Variants in RBFOX1 observed in about 807,000 individuals in gnomAD.
RBFOX1 encodes the protein RNA binding fox-1 homolog 1, also known as RNA binding protein fox-1 homolog 1.
RBFOX1 carries 8 observed loss-of-function variants against 57.7 expected under a neutral mutation model. That is an observed-to-expected ratio of 0.14 (90% CI 0.08 to 0.25). RBFOX1 has a LOEUF of 0.25. RBFOX1 is among the 10% of genes least tolerant of loss of function. The pLI, the probability that RBFOX1 is intolerant of heterozygous loss-of-function variation, is 1.00. For synonymous variants in RBFOX1, 326 were observed against 222.4 expected, an observed-to-expected ratio of 1.47 and a Z score of -4.15; for missense variants, 611 against 548.5, an observed-to-expected ratio of 1.11 and a Z score of -1.14.
At chr16:6,100,853 T>C (rs779059527) in intron 1 of RBFOX1, among the ~76,000 whole-genome samples, 10 of 152,164 alleles carry the variant, frequency 6.6e-5, no homozygotes, top group Admixed American at 1.3e-4. Context: ...CACCCTCTTA[T>C]AGGAATGTTC....
intron 2 of RBFOX1, among the ~76,000 whole-genome samples, chr16:6,601,974 T>C (rs1567838047): frequency 6.6e-6 from 1 of 151,944 alleles, no homozygotes; most frequent in African/African-American, 2.4e-5. Flanking sequence ...TAAACAACTC[T>C]TCTCTCTTGT....
chr16:7,067,761 T>C (rs9923387), intron 4 of RBFOX1, among the ~76,000 whole-genome samples: 96,417 of 145,546 alleles, frequency 0.66, 32,470 homozygotes, highest in South Asian at 0.75. Flanking sequence ...GTTCAATTCC[T>C]ACCTATGAGT....
chr16:6,524,579 T>A (rs1002408221), intron 2 of RBFOX1, among the ~76,000 whole-genome samples: 5 of 152,164 alleles, frequency 3.3e-5, no homozygotes, highest in African/African-American at 1.2e-4. Context: ...GTTTGTTTTG[T>A]GTTAAAAGGG....
At chr16:5,975,924 A>G (rs2060052753) in intron 4 of RBFOX1, among the ~76,000 whole-genome samples, 1 of 152,162 alleles carries the variant, frequency 6.6e-6, no homozygotes, top group Admixed American at 6.5e-5. Context: ...CAGGTGGATC[A>G]CTTGAGGTCA....
intron 4 of RBFOX1, among the ~76,000 whole-genome samples, chr16:7,315,886 C>G (rs1050017987): frequency 6.6e-6 from 1 of 152,108 alleles, no homozygotes; most frequent in African/African-American, 2.4e-5. Context: ...ACTTGGTTTA[C>G]ATATATCTTT....
At chr16:6,098,881 AT>A (rs1360492991) in intron 1 of RBFOX1, among the ~76,000 whole-genome samples, 1 of 152,160 alleles carries the variant, frequency 6.6e-6, no homozygotes, top group Admixed American at 6.6e-5. Flanking sequence ...CTGGTAAATA[AT>A]TGGGAGGGAT....
At chr16:6,278,374 C>T (rs1306457426) in intron 1 of RBFOX1, among the ~76,000 whole-genome samples, 5 of 49,910 alleles carry the variant, frequency 1.0e-4, no homozygotes, top group African/African-American at 4.5e-4. Flanking sequence ...TTGTAGGACT[C>T]ACCAAAAAAA....
At chr16:6,250,929 T>C (rs896350044) in intron 1 of RBFOX1, among the ~76,000 whole-genome samples, 1 of 151,988 alleles carries the variant, frequency 6.6e-6, no homozygotes, top group Non-Finnish European at 1.5e-5. Flanking sequence ...GTGTAGATAA[T>C]TGAAAGATAC....
chr16:6,660,715 A>G lies in RBFOX1; in HGVS notation c.-16+6065A>G, dbSNP rs752622741. 6.6e-5 allele frequency among the ~76,000 whole-genome samples: 10 copies of G among 152,336 alleles called. No homozygotes were observed. The East Asian group carries it at 7.7e-4, about 12-fold the overall frequency. On this transcript the variant is annotated intron_variant, in intron 3 of 15. Transcript: ENST00000550418. ...TTCATAATACTGCAAATCATTTTAT[A>G]TAATACCTGGCACAAAATAAGAACT...
intron 2 of RBFOX1, among the ~76,000 whole-genome samples, chr16:5,586,892 CT>C (rs2046848738): frequency 6.6e-6 from 1 of 152,314 alleles, no homozygotes; most frequent in Admixed American, 6.5e-5. Context: ...TGCTGACACT[CT>C]TAGCTGCTCT....
At chr16:5,243,042 C>T (rs1441920018) in intron 1 of RBFOX1, among the ~76,000 whole-genome samples, 1 of 151,582 alleles carries the variant, frequency 6.6e-6, no homozygotes, top group Admixed American at 6.6e-5. Flanking sequence ...TCAGAAGTTT[C>T]ACTGGCTTCT....
At chr16:6,749,486 C>G (rs7199682) in intron 3 of RBFOX1, among the ~76,000 whole-genome samples, 1 of 152,124 alleles carries the variant, frequency 6.6e-6, no homozygotes, top group African/African-American at 2.4e-5. Context: ...ATGTTTTCCC[C>G]ACTTTCCAGA....
At chr16:6,388,646 G>C (rs1316785665) in intron 2 of RBFOX1, among the ~76,000 whole-genome samples, 1 of 152,116 alleles carries the variant, frequency 6.6e-6, no homozygotes, top group Non-Finnish European at 1.5e-5. Flanking sequence ...AGGCTGAGGT[G>C]GGAGAATTGC....
chr16:7,150,502 A>G (rs570966020), intron 4 of RBFOX1, among the ~76,000 whole-genome samples: 5 of 152,298 alleles, frequency 3.3e-5, no homozygotes, highest in Admixed American at 2.6e-4. Flanking sequence ...TAACAATTCC[A>G]TAAATGATGA....
At chr16:7,540,607 G>C (rs974030602) in intron 5 of RBFOX1, among the ~76,000 whole-genome samples, 1 of 152,184 alleles carries the variant, frequency 6.6e-6, no homozygotes, top group South Asian at 2.1e-4. Flanking sequence ...TGTCTCTATG[G>C]TTGTTGTCAT....
At chr16:6,390,565 G>A (rs549928368) in intron 2 of RBFOX1, among the ~76,000 whole-genome samples, 6 of 150,582 alleles carry the variant, frequency 4.0e-5, no homozygotes, top group Non-Finnish European at 1.5e-5. Flanking sequence ...AAAAAAAAAA[G>A]CATGGAAGAA....
intron 3 of RBFOX1, among the ~76,000 whole-genome samples, chr16:6,768,533 A>G (rs1272652361): frequency 6.6e-6 from 1 of 151,954 alleles, no homozygotes; most frequent in Non-Finnish European, 1.5e-5. Context: ...TTTTCTATAC[A>G]TTGACAAAAA....
intron 4 of RBFOX1, among the ~76,000 whole-genome samples, chr16:7,144,950 C>G (rs1325809770): frequency 6.6e-6 from 1 of 152,112 alleles, no homozygotes; most frequent in African/African-American, 2.4e-5. Flanking sequence ...CAGCCCCTCT[C>G]CCCCTCCCCC....
At chr16:7,699,592 C>G (rs565789543) in intron 14 of RBFOX1, among the ~76,000 whole-genome samples, 1 of 152,184 alleles carries the variant, frequency 6.6e-6, no homozygotes, top group East Asian at 1.9e-4. Flanking sequence ...CCAGTCCACA[C>G]CAGGATGAGT....
Sources: allele counts gnomAD v4.1 joint callset (sites outside exome capture counted in the v4.1 genomes callset), GRCh38; gene constraint gnomAD v4.1.1; transcripts MANE v1.5; gene names NCBI Gene and HGNC (gene_info 2026-07-23, HGNC 2026-07-21).